The following ME3 variants were observed in gnomAD, a reference collection of about 807,000 sequenced individuals.
ME3 encodes malic enzyme 3.
ME3 carries 48 observed loss-of-function variants against 68.9 expected under a neutral mutation model. The observed-to-expected ratio is 0.70, with a 90% CI of 0.55 to 0.89. The LOEUF (loss-of-function observed/expected upper bound fraction) is 0.89. Ranked by LOEUF, ME3 falls within the 40% of genes least tolerant of loss-of-function variation. The pLI is 0.00. For synonymous variants in ME3, 320 were observed against 318.8 expected (o/e 1.00, Z -0.04); for missense variants, 675 against 797.4 (o/e 0.85, Z 1.85).
chr11:86,638,510 A>G (rs1944479211), intron 2 of ME3, among the ~76,000 whole-genome samples: 2 of 152,232 alleles, frequency 1.3e-5, no homozygotes. Context: ...GCTTTTGCTC[A>G]AAAAAGGACG....
At chr11:86,464,674 G>A (rs941360029) in intron 8 of ME3, among the ~76,000 whole-genome samples, 5 of 152,164 alleles carry the variant, frequency 3.3e-5, no homozygotes, top group Non-Finnish European at 7.3e-5. Context: ...TGAGTTTTAT[G>A]GGTTAGTACT....
intron 2 of ME3, among the ~76,000 whole-genome samples, chr11:86,604,170 A>T (rs1292597348): frequency 6.6e-6 from 1 of 151,958 alleles, no homozygotes; most frequent in East Asian, 1.9e-4. Context: ...AGTTGTAGAG[A>T]CCAAAGTTTC....
intron 2 of ME3, among the ~76,000 whole-genome samples, chr11:86,647,290 C>T (rs1444557161): frequency 6.6e-6 from 1 of 152,138 alleles, no homozygotes; most frequent in Admixed American, 6.5e-5. Context: ...CATCAGTGTG[C>T]TGGCTAACAC....
chr11:86,642,403 G>A (rs866971386), intron 2 of ME3, among the ~76,000 whole-genome samples: 3 of 152,144 alleles, frequency 2.0e-5, no homozygotes, highest in East Asian at 1.9e-4. Context: ...GCCATCTCAC[G>A]CAACAATGTA....
chr11:86,598,056 G>A (rs1039858323), intron 2 of ME3, among the ~76,000 whole-genome samples: 2 of 152,144 alleles, frequency 1.3e-5, no homozygotes, highest in Non-Finnish European at 2.9e-5. Context: ...TCCATCTGAG[G>A]TACTGGGTTC....
chr11:86,580,176 C>A (rs1260822202), intron 2 of ME3, among the ~76,000 whole-genome samples: 7 of 152,150 alleles, frequency 4.6e-5, no homozygotes, highest in African/African-American at 1.4e-4. Context: ...CCGGAAAGGT[C>A]ACTGGAATTC....
chr11:86,598,132 A>T (rs544199892), intron 2 of ME3, among the ~76,000 whole-genome samples: 1 of 152,260 alleles, frequency 6.6e-6, no homozygotes, highest in African/African-American at 2.4e-5. Context: ...GCGCCAGCCG[A>T]AGCAGGGCAA....
At chr11:86,581,103 C>T (rs535723266) in intron 2 of ME3, among the ~76,000 whole-genome samples, 148 of 152,042 alleles carry the variant, frequency 9.7e-4, no homozygotes, top group Non-Finnish European at 1.9e-3. Flanking sequence ...CAACTCTGGC[C>T]GTGAAATAGT....
intron 2 of ME3, among the ~76,000 whole-genome samples, chr11:86,668,727 T>G (rs1298783091): frequency 6.6e-6 from 1 of 152,200 alleles, no homozygotes; most frequent in East Asian, 1.9e-4. Flanking sequence ...TCTCAGATAA[T>G]TCCACCTCCT....
At chr11:86,658,277 C>G (rs990378414) in intron 2 of ME3, among the ~76,000 whole-genome samples, 9 of 151,968 alleles carry the variant, frequency 5.9e-5, no homozygotes, top group African/African-American at 2.2e-4. Context: ...GCATGCGTCA[C>G]CAGCCCAGCT....
chr11:86,491,587 C>A (rs966806369), intron 6 of ME3, among the ~76,000 whole-genome samples: 1 of 152,164 alleles, frequency 6.6e-6, no homozygotes, highest in African/African-American at 2.4e-5. Flanking sequence ...CAACATGGAA[C>A]AAGAAGCCCA....
At chr11:86,627,576 A>T (rs918732174) in intron 2 of ME3, among the ~76,000 whole-genome samples, 12 of 152,226 alleles carry the variant, frequency 7.9e-5, no homozygotes, top group African/African-American at 2.9e-4. Flanking sequence ...AATTACCAAG[A>T]TTCTGAGAAT....
At chr11:86,443,965 G>C (rs693052) in intron 13 of ME3, among the ~76,000 whole-genome samples, 151,168 of 152,292 alleles carry the variant, frequency 0.99, 75,026 homozygotes, top group Middle Eastern at 1. Context: ...CACTTTTAGT[G>C]TCTAGACTCT....
chr11:86,531,970 G>A (rs1355406513), intron 4 of ME3, among the ~76,000 whole-genome samples: 1 of 130,186 alleles, frequency 7.7e-6, no homozygotes. Context: ...AAAACTTAAA[G>A]TATAATTAAA....
At chr11:86,540,121 A>G (rs2139338079) in intron 4 of ME3, among the ~76,000 whole-genome samples, 1 of 152,334 alleles carries the variant, frequency 6.6e-6, no homozygotes, top group Middle Eastern at 3.4e-3. Flanking sequence ...TATAAGGAAC[A>G]TCTGAGCCCC....
intron 10 of ME3, among the ~76,000 whole-genome samples, chr11:86,448,923 A>T (rs1048344206): frequency 6.6e-6 from 1 of 152,206 alleles, no homozygotes; most frequent in African/African-American, 2.4e-5. Flanking sequence ...GGTTGATGGA[A>T]TGAGAAAAAT....
chr11:86,530,085 T>C (rs908337816), intron 4 of ME3, among the ~76,000 whole-genome samples: 3 of 152,198 alleles, frequency 2.0e-5, no homozygotes, highest in Non-Finnish European at 2.9e-5. Flanking sequence ...GCAGATGACA[T>C]TGTATATCTA....
At chr11:86,442,011 A>G (rs1949019449) in intron 14 of ME3, among the ~76,000 whole-genome samples, 2 of 152,242 alleles carry the variant, frequency 1.3e-5, no homozygotes, top group Non-Finnish European at 2.9e-5. Flanking sequence ...TCTGTACCAG[A>G]CAACTCATGG....
At chr11:86,542,531 T>C (rs1244994111) in intron 4 of ME3, among the ~76,000 whole-genome samples, 1 of 152,134 alleles carries the variant, frequency 6.6e-6, no homozygotes, top group African/African-American at 2.4e-5. Flanking sequence ...ACAGCAGAAT[T>C]GATTAAGCGG....
Sources: allele counts gnomAD v4.1 joint callset (sites outside exome capture counted in the v4.1 genomes callset), GRCh38; gene constraint gnomAD v4.1.1; transcripts MANE v1.5; gene names NCBI Gene and HGNC (gene_info 2026-07-23, HGNC 2026-07-21).